The following THSD7B variants were observed in gnomAD, a reference collection of about 807,000 sequenced individuals.
The protein encoded by THSD7B is thrombospondin type-1 domain-containing protein 7B.
Under a neutral mutation model 213.6 loss-of-function variants are expected in THSD7B, and 138 were observed. The ratio of observed to expected loss-of-function variants is 0.65; its 90% CI spans 0.56 to 0.74. The LOEUF is 0.74. THSD7B is among the 30% of genes least tolerant of loss of function. The probability of loss-of-function intolerance (pLI) is 0.00; values close to 1 mark genes in which losing one functional copy is unlikely to be tolerated. For synonymous variants in THSD7B, 742 were observed against 687.0 expected, an observed-to-expected ratio of 1.08 and a Z score of -1.25; for missense variants, 1,931 against 1,991.5, an observed-to-expected ratio of 0.97 and a Z score of 0.58.
chr2:137,426,257 AATC>A (rs1362659565), intron 14 of THSD7B, among the ~76,000 whole-genome samples: 1 of 152,176 alleles, frequency 6.6e-6, no homozygotes, highest in East Asian at 1.9e-4. Flanking sequence ...TACTATTCAA[AATC>A]ATCTACAGAC....
intron 27 of THSD7B, among the ~76,000 whole-genome samples, chr2:137,673,111 C>T (rs566908567): frequency 2.4e-4 from 36 of 152,336 alleles, no homozygotes; most frequent in Admixed American, 5.9e-4. Flanking sequence ...TGGTTTGCTG[C>T]TTTCATCAAA....
chr2:137,352,312 A>T (rs1270452472), intron 12 of THSD7B, among the ~76,000 whole-genome samples: 2 of 151,832 alleles, frequency 1.3e-5, no homozygotes, highest in South Asian at 2.1e-4. Context: ...GATGGAGGTT[A>T]ATGGGCAAAT....
intron 2 of THSD7B, among the ~76,000 whole-genome samples, chr2:137,021,194 A>G (rs1686440186): frequency 6.6e-6 from 1 of 152,140 alleles, no homozygotes. Flanking sequence ...TCTGGCCCCA[A>G]ATGAGGGTCT....
In THSD7B at chr2:137,305,354, C is replaced by A. The variant is rs1683716218; in HGVS notation, c.2500+29328C>A. Among the ~76,000 whole-genome samples, 6 of 152,168 alleles carry A rather than the reference C, an allele frequency of 3.9e-5. 1 individual carries two copies. In the South Asian group the frequency reaches 1.3e-3, roughly 32 times the overall value. ...AGTCTTTGTAAGGCTGTCATCTCTG[C>A]ATTTGATGGTGAAACTTGGAGTCTA... is the stretch of plus-strand genomic sequence containing the variant. On this transcript the variant is annotated intron_variant, in intron 12 of 27. Transcript: ENST00000409968.
chr2:137,232,915 C>T lies in THSD7B; in HGVS notation c.1932C>T (p.Pro644=), dbSNP rs1255195559. The T allele has an allele frequency of 3.7e-6, 6 of 1,613,866 alleles. No individual in the cohort carries two copies. Among genetic ancestry groups the T allele is most frequent in the Non-Finnish European group, 5.1e-6 (6 of 1,179,794 alleles). The change falls in exon 9 of 28, where the codon CCC becomes CCT. Residue 644 remains proline (P), a synonymous_variant. Coordinates refer to ENST00000409968, the MANE Select transcript of THSD7B (RefSeq NM_001316349.2). ...ALAGEGGKPC[P]PSQALQEHRL... ...TTTTGGCAGGTGGAAAGCCATGTCC[C>T]CCTAGTCAGGCTCTCCAAGAGCATC...
chr2:137,224,914 T>G (rs1681460662), intron 7 of THSD7B, among the ~76,000 whole-genome samples: 2 of 152,232 alleles, frequency 1.3e-5, no homozygotes, highest in Non-Finnish European at 1.5e-5. Context: ...ATCATGTTTA[T>G]TTGGAAATAT....
chr2:136,926,727 A>C (rs180954352), intron 2 of THSD7B, among the ~76,000 whole-genome samples: 2 of 151,852 alleles, frequency 1.3e-5, no homozygotes, highest in Non-Finnish European at 2.9e-5. Flanking sequence ...CACAAAAAAC[A>C]GTGCTCATGA....
intron 3 of THSD7B, among the ~76,000 whole-genome samples, chr2:137,067,601 T>C (rs1224774257): frequency 2.0e-5 from 3 of 152,050 alleles, no homozygotes; most frequent in Non-Finnish European, 2.9e-5. Context: ...TCTCATATTT[T>C]GTTAAGCCTA....
At chr2:137,519,800 A>G (rs1454061555) in intron 15 of THSD7B, among the ~76,000 whole-genome samples, 1 of 152,236 alleles carries the variant, frequency 6.6e-6, no homozygotes, top group Non-Finnish European at 1.5e-5. Context: ...AAACTTTCTT[A>G]TAATTTCACA....
intron 2 of THSD7B, among the ~76,000 whole-genome samples, chr2:136,949,878 C>T (rs144899716): frequency 7.2e-5 from 11 of 152,302 alleles, no homozygotes; most frequent in East Asian, 1.9e-4. Context: ...TGTAAAAACA[C>T]GTGCACACAT....
intron 2 of THSD7B, among the ~76,000 whole-genome samples, chr2:136,943,942 C>T (rs1353097262): frequency 6.6e-6 from 1 of 152,104 alleles, no homozygotes; most frequent in East Asian, 1.9e-4. Context: ...TTTGTTTGCT[C>T]TCGCTTCTCT....
chr2:136,816,847 G>A (rs1682482077), intron 1 of THSD7B, among the ~76,000 whole-genome samples: 1 of 152,150 alleles, frequency 6.6e-6, no homozygotes, highest in Non-Finnish European at 1.5e-5. Flanking sequence ...TGTTTGCTAG[G>A]TGAATAAGAA....
chr2:136,931,937 T>C (rs916623814), intron 2 of THSD7B, among the ~76,000 whole-genome samples: 2 of 152,204 alleles, frequency 1.3e-5, no homozygotes, highest in Non-Finnish European at 2.9e-5. Context: ...TAGAAAGTAA[T>C]AGTTCTGATA....
At chr2:137,509,668 G>T (rs2105149951) in intron 15 of THSD7B, among the ~76,000 whole-genome samples, 2 of 152,240 alleles carry the variant, frequency 1.3e-5, no homozygotes, top group Middle Eastern at 3.4e-3. Flanking sequence ...TCTACAGGCT[G>T]TTTTATTCCC....
chr2:136,796,137 T>G (rs1041860043), intron 1 of THSD7B, among the ~76,000 whole-genome samples: 1 of 151,864 alleles, frequency 6.6e-6, no homozygotes, highest in African/African-American at 2.4e-5. Flanking sequence ...AATTTTGAAA[T>G]GTATCCCTTT....
At chr2:137,543,993 T>C (rs1486058298) in intron 15 of THSD7B, among the ~76,000 whole-genome samples, 1 of 151,796 alleles carries the variant, frequency 6.6e-6, no homozygotes, top group Non-Finnish European at 1.5e-5. Context: ...TGAGTAATTG[T>C]AATCATCATG....
At chr2:137,274,275 G>A (rs72852223) in intron 11 of THSD7B, among the ~76,000 whole-genome samples, 14,696 of 152,110 alleles carry the variant, frequency 0.097, 860 homozygotes, top group Non-Finnish European at 0.13. Flanking sequence ...GTCTTAGGAA[G>A]CGAGTTAACG....
chr2:137,667,519 A>C (rs148261880), intron 26 of THSD7B, among the ~76,000 whole-genome samples: 1 of 152,286 alleles, frequency 6.6e-6, no homozygotes, highest in East Asian at 1.9e-4. Context: ...TCATAGACAT[A>C]ATTTCTAGTA....
chr2:137,184,430 T>C (rs995404113), intron 7 of THSD7B, among the ~76,000 whole-genome samples: 5 of 151,968 alleles, frequency 3.3e-5, no homozygotes, highest in Admixed American at 6.6e-5. Context: ...AGATTGAAAA[T>C]AAGGGAGGGT....
Sources: gnomAD v4.1 joint callset for allele counts (sites outside exome capture counted in the v4.1 genomes callset) on GRCh38, gnomAD v4.1.1 for gene constraint, MANE v1.5 for transcripts, NCBI Gene and HGNC (gene_info 2026-07-23, HGNC 2026-07-21) for gene names.